Variants in HDAC9 observed in about 807,000 individuals in gnomAD.
HDAC9 encodes the protein MEF-2 interacting transcription repressor (MITR) protein.
Under a neutral mutation model 139.4 loss-of-function variants are expected in HDAC9, and 41 were observed. The ratio of observed to expected loss-of-function variants is 0.29; its 90% CI spans 0.23 to 0.38. The LOEUF is 0.38. Ranked by LOEUF, HDAC9 falls within the 10% of genes least tolerant of loss-of-function variation. HDAC9 has a pLI of 1.00. For missense variants in HDAC9, 1,147 were observed against 1,297.0 expected (o/e 0.88, Z 1.78); for synonymous variants, 517 against 476.2 (o/e 1.09, Z -1.12).
chr7:18,913,500 C>A (rs1424214399), intron 22 of HDAC9, among the ~76,000 whole-genome samples: 2 of 152,038 alleles, frequency 1.3e-5, no homozygotes, highest in East Asian at 1.9e-4. Flanking sequence ...TTTGTTCCAC[C>A]CACCTTTAAA....
intron 22 of HDAC9, among the ~76,000 whole-genome samples, chr7:18,915,417 T>A: frequency 6.8e-6 from 1 of 146,996 alleles, no homozygotes; most frequent in Non-Finnish European, 1.5e-5. Flanking sequence ...AACAAACTAT[T>A]TTTTTTTTAA....
At chr7:18,813,003 C>T (rs774756421) in intron 17 of HDAC9, among the ~76,000 whole-genome samples, 1 of 152,072 alleles carries the variant, frequency 6.6e-6, no homozygotes, top group Non-Finnish European at 1.5e-5. Flanking sequence ...TTCTTTTTTA[C>T]ACTTTCCAGT....
rs1166178789 is a variant in HDAC9, at chr7:18,496,477, T to A, written c.22+153T>A. 4 of 635,558 alleles carry A rather than the reference T, an allele frequency of 6.3e-6. No homozygotes were observed. The Admixed American group carries it at 1.2e-4, about 18-fold the overall frequency. 39.4% of individuals were successfully genotyped at this position (635,558 alleles called of 1,614,324 possible). A position where few individuals can be genotyped will look rare whatever the true frequency, so the allele number is the denominator to read the frequency against. ...GTGCGTCTGTAGGGTTTAACTTAGA[T>A]CCCTTCCATTACTGTTTCTGTGCAT... On this transcript the variant is annotated intron_variant, in intron 2 of 25. Coordinates refer to ENST00000686413, the MANE Select transcript of HDAC9 (RefSeq NM_178425.4).
intron 2 of HDAC9, among the ~76,000 whole-genome samples, chr7:18,536,407 C>G (rs1187045349): frequency 6.6e-6 from 1 of 151,884 alleles, no homozygotes; most frequent in East Asian, 1.9e-4. Flanking sequence ...TGGAAGAGCC[C>G]AAAATAAGAA....
At chr7:18,793,291 C>T in intron 16 of HDAC9, 54 bp from the exon 17 acceptor site, 1 of 1,247,682 alleles carries the variant, frequency 8.0e-7, no homozygotes, top group East Asian at 2.5e-5. Flanking sequence ...TTCATCTCTT[C>T]CTTCTCTTTC....
chr7:18,421,362 G>A (rs1206411801), intron 1 of HDAC9, among the ~76,000 whole-genome samples: 1 of 151,032 alleles, frequency 6.6e-6, no homozygotes, highest in African/African-American at 2.4e-5. Context: ...GGAAGGAAGG[G>A]GGAAGGGAGG....
intron 12 of HDAC9, among the ~76,000 whole-genome samples, chr7:18,676,875 T>A (rs753442633): frequency 6.6e-6 from 1 of 151,944 alleles, no homozygotes; most frequent in Non-Finnish European, 1.5e-5. Context: ...AAATTCTAAT[T>A]TTTAATGTCC....
At chr7:18,809,445 G>C (rs987223899) in intron 17 of HDAC9, among the ~76,000 whole-genome samples, 34 of 152,088 alleles carry the variant, frequency 2.2e-4, no homozygotes, top group South Asian at 8.3e-4. Context: ...TATATGATAA[G>C]AGGTTAATGT....
chr7:18,423,772 T>G (rs1356603461), intron 1 of HDAC9, among the ~76,000 whole-genome samples: 1 of 152,202 alleles, frequency 6.6e-6, no homozygotes, highest in Non-Finnish European at 1.5e-5. Flanking sequence ...TCTTATAGGC[T>G]AGATCTGTTT....
At chr7:18,271,413 G>A (rs1313385129) in intron 2 of HDAC9, among the ~76,000 whole-genome samples, 1 of 152,100 alleles carries the variant, frequency 6.6e-6, no homozygotes, top group Non-Finnish European at 1.5e-5. Flanking sequence ...AACATTAGTG[G>A]TTCCCAGTTT....
At chr7:18,753,245 G>A (rs1788601552) in intron 14 of HDAC9, among the ~76,000 whole-genome samples, 1 of 152,060 alleles carries the variant, frequency 6.6e-6, no homozygotes, top group East Asian at 1.9e-4. Flanking sequence ...TTATATTGCT[G>A]TGATTTTGAA....
chr7:18,573,317 C>T (rs1369944143), intron 2 of HDAC9, among the ~76,000 whole-genome samples: 1 of 152,148 alleles, frequency 6.6e-6, no homozygotes, highest in Non-Finnish European at 1.5e-5. Flanking sequence ...TTTTATTCCA[C>T]GATAATGTTA....
chr7:18,115,767 A>C (rs1354927717), intron 1 of HDAC9, among the ~76,000 whole-genome samples: 4 of 152,234 alleles, frequency 2.6e-5, no homozygotes, highest in Non-Finnish European at 5.9e-5. Context: ...TTTTATAGTC[A>C]CTTAATCTAT....
chr7:18,963,660 T>C (rs970474289), intron 24 of HDAC9, among the ~76,000 whole-genome samples: 2 of 152,168 alleles, frequency 1.3e-5, no homozygotes, highest in Admixed American at 6.5e-5. Context: ...AGAGTTTTCT[T>C]TTTTTCTAAA....
chr7:18,327,505 A>G (rs1200130353), intron 1 of HDAC9: 1 of 151,884 alleles, frequency 6.6e-6, no homozygotes, highest in Non-Finnish European at 1.5e-5. Context: ...GGAATATTAC[A>G]CTAATTAAAC....
rs181331360 is a variant in HDAC9 at position 18,644,032 on chromosome 7, C to T, written c.913-639C>T. ...ATTTGTTGTAAAAAGCACAGTGATG[C>T]CAAAACGTTCAGGGTATTTCAATGT... On this transcript the variant is annotated intron_variant, in intron 8 of 25. Transcript: ENST00000686413. Among the ~76,000 whole-genome samples the T allele has an allele frequency of 8.2e-4, 124 of 152,104 alleles. 1 individual carries two copies. Among genetic ancestry groups the T allele is most frequent in the African/African-American group, 2.9e-3 (120 of 41,518 alleles).
intron 2 of HDAC9, among the ~76,000 whole-genome samples, chr7:18,524,952 T>C (rs1445801841): frequency 1.3e-5 from 2 of 151,592 alleles, no homozygotes; most frequent in African/African-American, 4.9e-5. Context: ...AGGAAAATAC[T>C]GCTGTTCTAA....
Position 18,847,890 on chromosome 7 carries a change from C to T in HDAC9, c.2684+11893C>T, listed in dbSNP as rs555624590. Reference sequence around the variant, plus strand: ...CACGGAGTCCAGTCCTATTTCCTGCCCTATTTATCACCTCTGGTTAGGAAA... The same window carrying T: ...CACGGAGTCCAGTCCTATTTCCTGCTCTATTTATCACCTCTGGTTAGGAAA... On this transcript the variant is annotated intron_variant, in intron 21 of 25. Transcript: ENST00000686413. Among the ~76,000 whole-genome samples, 7 of 152,254 alleles carry T rather than the reference C, an allele frequency of 4.6e-5. No homozygotes were observed. In the East Asian group the frequency reaches 1.2e-3, roughly 25 times the overall value.
chr7:18,165,810 A>G (rs992681319), intron 2 of HDAC9, among the ~76,000 whole-genome samples: 7 of 151,796 alleles, frequency 4.6e-5, no homozygotes, highest in Admixed American at 1.3e-4. Context: ...AAAAAAAAAA[A>G]AAAGAAAGAA....
Sources: gnomAD v4.1 joint callset for allele counts (sites outside exome capture counted in the v4.1 genomes callset) on GRCh38, gnomAD v4.1.1 for gene constraint, MANE v1.5 for transcripts, NCBI Gene and HGNC (gene_info 2026-07-23, HGNC 2026-07-21) for gene names.